The following SRGAP1 variants were observed in gnomAD, a reference collection of about 807,000 sequenced individuals.
SRGAP1 encodes SLIT-ROBO Rho GTPase activating protein 1, also known as SLIT-ROBO Rho GTPase-activating protein 1.
Under a neutral mutation model 121.9 loss-of-function variants are expected in SRGAP1, and 43 were observed. The ratio of observed to expected loss-of-function variants is 0.35; its 90% confidence interval spans 0.28 to 0.46. The LOEUF is 0.46. Among genes scored for constraint, SRGAP1 ranks in the 20% least tolerant of loss-of-function variants. The probability of loss-of-function intolerance (pLI) is 1.00; values close to 1 mark genes in which losing one functional copy is unlikely to be tolerated. For synonymous variants in SRGAP1, 447 were observed against 485.4 expected, an observed-to-expected ratio of 0.92 and a Z score of 1.04; for missense variants, 1,102 against 1,350.9, an observed-to-expected ratio of 0.82 and a Z score of 2.89.
chr12:64,115,705 G>A (rs1438155289), intron 17 of SRGAP1, 109 bp from the exon 18 acceptor site: 1 of 750,210 alleles, frequency 1.3e-6, no homozygotes, highest in Non-Finnish European at 2.1e-6. Context: ...AGGTTTCAGT[G>A]AGCCAAGATC....
chr12:63,948,003 T>A (rs541828567), intron 1 of SRGAP1, among the ~76,000 whole-genome samples: 2 of 152,322 alleles, frequency 1.3e-5, no homozygotes, highest in East Asian at 3.9e-4. Context: ...CTGAATGGAT[T>A]TGAATTTTGT....
At chr12:63,900,986 G>C (rs2029898818) in intron 1 of SRGAP1, among the ~76,000 whole-genome samples, 1 of 151,364 alleles carries the variant, frequency 6.6e-6, no homozygotes, top group Non-Finnish European at 1.5e-5. Context: ...CCACACTTGT[G>C]CACCTATTTT....
chr12:64,107,309 G>A lies in SRGAP1; in HGVS notation c.1814-1623G>A, dbSNP rs570613070. ...AAGACAGTGGTTCTCAACCCTGGCT[G>A]CATAAAAGAATCTCAGGCATCAGCA... On this transcript the variant is annotated intron_variant, in intron 15 of 21. Transcript: ENST00000355086. 4.6e-5 allele frequency among the ~76,000 whole-genome samples: 7 copies of A among 152,296 alleles called. No individual in the cohort carries two copies. In the East Asian group the frequency reaches 9.6e-4, roughly 21 times the overall value.
intron 10 of SRGAP1, chr12:64,081,363 C>T (rs1162468107): frequency 6.6e-6 from 1 of 151,928 alleles, no homozygotes; most frequent in Non-Finnish European, 1.5e-5. Flanking sequence ...CTCCTGGTTT[C>T]CACCAAAGAA....
At chr12:64,052,281 C>T (rs755323217) in intron 6 of SRGAP1, among the ~76,000 whole-genome samples, 5 of 152,124 alleles carry the variant, frequency 3.3e-5, no homozygotes, top group South Asian at 2.1e-4. Flanking sequence ...AACCTGGGCA[C>T]GGTGGCTCAC....
chr12:64,071,424 C>G (rs867775244), intron 8 of SRGAP1, among the ~76,000 whole-genome samples: 1 of 152,186 alleles, frequency 6.6e-6, no homozygotes, highest in African/African-American at 2.4e-5. Flanking sequence ...TGAACTTTTT[C>G]TGATAATTTG....
chr12:63,849,820 G>A (rs945001278), intron 1 of SRGAP1, among the ~76,000 whole-genome samples: 3 of 152,160 alleles, frequency 2.0e-5, no homozygotes, highest in Non-Finnish European at 2.9e-5. Flanking sequence ...CAATTAAGAC[G>A]TACCTGGGAC....
rs79115518 is a variant in SRGAP1 at position 64,124,899 on chromosome 12, C to T, written c.2225-1078C>T. Among the ~76,000 whole-genome samples, 33 of 152,222 alleles carry T rather than the reference C, an allele frequency of 2.2e-4. No individual in the cohort carries two copies. In the East Asian group the frequency reaches 6.0e-3, roughly 28 times the overall value. On this transcript the variant is annotated intron_variant, in intron 18 of 21. Coordinates refer to ENST00000355086, the MANE Select transcript of SRGAP1 (RefSeq NM_020762.4). ...GTGATATCTTACAAAACTGTAATAT[C>T]ATTTCACAAGCAGGAAATTGACAAT... is the stretch of plus-strand genomic sequence containing the variant.
chr12:63,945,254 T>C (rs2032006248), intron 1 of SRGAP1, among the ~76,000 whole-genome samples: 1 of 151,892 alleles, frequency 6.6e-6, no homozygotes, highest in South Asian at 2.1e-4. Context: ...CTTCCTCTTT[T>C]GTCTTTCTGT....
At chr12:63,995,350 A>T (rs10784375) in intron 3 of SRGAP1, among the ~76,000 whole-genome samples, 2 of 151,890 alleles carry the variant, frequency 1.3e-5, no homozygotes, top group East Asian at 1.9e-4. Context: ...AGCTGCCCAG[A>T]GAACAGGTAT....
At position 64,091,299 on chromosome 12, in the gene SRGAP1, C is replaced by T. The variant is rs750891343; in HGVS notation, c.1460C>T (p.Pro487Leu). 1.2e-6 allele frequency: 2 copies of T among 1,609,096 alleles called. No individual in the cohort carries two copies. The highest frequency in any genetic ancestry group is 1.3e-5 in the African/African-American group (1 of 74,906). Residue 487 changes from proline (P) to leucine (L), a missense_variant, in exon 12 of 22, where the codon CCC becomes CTC. Pro to Leu is a moderately conservative substitution (Grantham distance 98). Transcript: ENST00000355086. Reference protein sequence around the residue: ...TTRPPNVPPKPQKHRKSRPRS... With the variant: ...TTRPPNVPPKLQKHRKSRPRS... ...AGGCCTCCAAATGTTCCCCCTAAGC[C>T]CCAGAAACACAGGAAGTCCAGGCCC... is the stretch of plus-strand genomic sequence containing the variant.
intron 3 of SRGAP1, among the ~76,000 whole-genome samples, chr12:63,994,426 G>A (rs1308843883): frequency 2.0e-5 from 3 of 152,074 alleles, no homozygotes; most frequent in East Asian, 3.9e-4. Context: ...CCTCACAACA[G>A]CATTGTTTGT....
chr12:64,045,864 T>C (rs1459259820), intron 6 of SRGAP1, among the ~76,000 whole-genome samples: 1 of 152,244 alleles, frequency 6.6e-6, no homozygotes, highest in South Asian at 2.1e-4. Flanking sequence ...GAAGGCTTCA[T>C]CTTTATTGAT....
At chr12:63,996,635 A>G (rs1312711718) in intron 3 of SRGAP1, among the ~76,000 whole-genome samples, 1 of 152,180 alleles carries the variant, frequency 6.6e-6, no homozygotes, top group Non-Finnish European at 1.5e-5. Flanking sequence ...TAACACATAT[A>G]GTTTAGTATA....
intron 1 of SRGAP1, among the ~76,000 whole-genome samples, chr12:63,944,738 A>G (rs923387297): frequency 6.6e-6 from 1 of 152,232 alleles, no homozygotes; most frequent in African/African-American, 2.4e-5. Flanking sequence ...CAGAGAAGAA[A>G]TAACCCAGTC....
At chr12:64,015,619 C>CT (rs1325092225) in intron 3 of SRGAP1, among the ~76,000 whole-genome samples, 1 of 152,154 alleles carries the variant, frequency 6.6e-6, no homozygotes, top group Non-Finnish European at 1.5e-5. Context: ...ATTTGTTTGG[C>CT]TTTTGTTGAG....
chr12:63,971,530 G>A (rs2032947687), intron 1 of SRGAP1, among the ~76,000 whole-genome samples: 1 of 152,072 alleles, frequency 6.6e-6, no homozygotes, highest in Non-Finnish European at 1.5e-5. Context: ...GTTTGTGCAG[G>A]ACTAGAAGTA....
At chr12:63,906,365 A>T (rs947794817) in intron 1 of SRGAP1, among the ~76,000 whole-genome samples, 12 of 151,834 alleles carry the variant, frequency 7.9e-5, no homozygotes, top group African/African-American at 2.9e-4. Flanking sequence ...CCAAGGCTGG[A>T]GTGCAGTGGT....
intron 4 of SRGAP1, among the ~76,000 whole-genome samples, chr12:64,041,915 T>TA (rs1565653139): frequency 2.1e-5 from 3 of 145,944 alleles, no homozygotes. Context: ...TTATTATTAT[T>TA]TGAGATGGAG....
Sources: gnomAD v4.1 joint callset for allele counts (sites outside exome capture counted in the v4.1 genomes callset) on GRCh38, gnomAD v4.1.1 for gene constraint, MANE v1.5 for transcripts, NCBI Gene and HGNC (gene_info 2026-07-23, HGNC 2026-07-21) for gene names.